PDE6A: variants seen among roughly 807,000 people sequenced by gnomAD.
PDE6A encodes the protein phosphodiesterase 6A, also known as rod cGMP-specific 3',5'-cyclic phosphodiesterase subunit alpha.
Under a neutral mutation model 106.3 loss-of-function variants are expected in PDE6A, and 84 were observed. The ratio of observed to expected loss-of-function variants is 0.79; its 90% CI spans 0.66 to 0.95. PDE6A has a LOEUF of 0.95. PDE6A is among the 40% of genes least tolerant of loss of function. The pLI is 0.00. For missense variants in PDE6A, 1,052 were observed against 1,084.9 expected, an observed-to-expected ratio of 0.97 and a Z score of 0.43; for synonymous variants, 394 against 386.6, an observed-to-expected ratio of 1.02 and a Z score of -0.23.
intron 4 of PDE6A, among the ~76,000 whole-genome samples, chr5:149,923,423 G>A (rs781080109): frequency 3.3e-5 from 5 of 152,152 alleles, no homozygotes; most frequent in Admixed American, 1.3e-4. Flanking sequence ...ACTTGAACCC[G>A]GGAGGGGGAG....
intron 5 of PDE6A, among the ~76,000 whole-genome samples, chr5:149,919,681 G>A (rs1245435501): frequency 6.6e-6 from 1 of 152,110 alleles, no homozygotes; most frequent in Non-Finnish European, 1.5e-5. Flanking sequence ...ACCAGCCTCT[G>A]GAAAGTCAAA....
rs2016066 is a variant in PDE6A, at chr5:149,927,876, A to G, written c.858+3152T>C. 7.1e-3 allele frequency among the ~76,000 whole-genome samples: 1,078 copies of G among 151,434 alleles called. 36 individuals are homozygous for G. The highest frequency in any genetic ancestry group is 0.046 in the Admixed American group (695 of 15,164). ...ACTTTTTTGTTAAAAACTAAGACAC[A>G]AACACACACATTAGCCTAGACCTAC... On this transcript the variant is annotated intron_variant, in intron 4 of 21. Transcript: ENST00000255266.
At chr5:149,867,316 T>G (rs902728391) in intron 19 of PDE6A, 2 of 299,680 alleles carry the variant, frequency 6.7e-6, no homozygotes, top group Admixed American at 8.6e-5. Context: ...TTGCTCACTC[T>G]GTGCTGTTAG....
intron 17 of PDE6A, among the ~76,000 whole-genome samples, chr5:149,883,117 C>A (rs1327066338): frequency 6.6e-6 from 1 of 152,094 alleles, no homozygotes; most frequent in Non-Finnish European, 1.5e-5. Flanking sequence ...TCCGTTGTAT[C>A]AAAAACTTAA....
At chr5:149,868,863 C>T (rs911942897) in intron 17 of PDE6A, among the ~76,000 whole-genome samples, 2 of 152,134 alleles carry the variant, frequency 1.3e-5, no homozygotes, top group Non-Finnish European at 2.9e-5. Context: ...AGTCAGTTAG[C>T]TTTTCTGATT....
intron 3 of PDE6A, chr5:149,932,272 C>A: frequency 7.0e-7 from 1 of 1,434,352 alleles, no homozygotes; most frequent in Non-Finnish European, 9.8e-7. Context: ...ACAGCAGTTT[C>A]ACTCGTAGAC....
chr5:149,889,405 A>T (rs1033772879), intron 13 of PDE6A, among the ~76,000 whole-genome samples: 1 of 151,860 alleles, frequency 6.6e-6, no homozygotes, highest in Non-Finnish European at 1.5e-5. Flanking sequence ...ATAAGTATTT[A>T]ACTTTCTGTA....
intron 3 of PDE6A, chr5:149,932,558 T>A: frequency 6.8e-7 from 1 of 1,478,690 alleles, no homozygotes; most frequent in Non-Finnish European, 9.5e-7. Flanking sequence ...GGAATCCCTG[T>A]TCCAGGTTGG....
chr5:149,894,940 A>G (rs1457042951), intron 13 of PDE6A, among the ~76,000 whole-genome samples: 1 of 152,106 alleles, frequency 6.6e-6, no homozygotes, highest in East Asian at 1.9e-4. Flanking sequence ...TACTTGTGAC[A>G]TGGTTACCCC....
In PDE6A at chr5:149,898,506, A is replaced by G; in HGVS notation, c.1264T>C (p.Ser422Pro). ...FDEMDETLME[S>P]LTQFLGWSVL... is the part of the protein sequence containing the mutation. ...GACCAGCCCAGAAATTGAGTCAAAG[A>G]CTGAAAAAGAAAGAAAGGAGGAATC... Residue 422 changes from serine to proline, a missense_variant and splice_region_variant, in exon 10 of 22, where the codon TCT becomes CCT. Coordinates refer to ENST00000255266, the MANE Select transcript of PDE6A (RefSeq NM_000440.3). The G allele has an allele frequency of 6.2e-7, 1 of 1,613,006 alleles. No individual in the cohort carries two copies. Among genetic ancestry groups the G allele is most frequent in the Non-Finnish European group, 8.5e-7 (1 of 1,179,896 alleles).
chr5:149,927,189 A>G (rs1753888688), intron 4 of PDE6A, among the ~76,000 whole-genome samples: 1 of 152,118 alleles, frequency 6.6e-6, no homozygotes, highest in Admixed American at 6.6e-5. Context: ...CATAAAAAAC[A>G]CAGTAAAAAT....
chr5:149,884,685 T>C, intron 15 of PDE6A, 95 bp downstream of exon 15: 1 of 1,447,196 alleles, frequency 6.9e-7, no homozygotes, highest in South Asian at 1.1e-5. Flanking sequence ...CCCAGGCCAA[T>C]GGGAAGAATG....
intron 8 of PDE6A, among the ~76,000 whole-genome samples, chr5:149,900,397 A>ATATATATATATATATATATC (rs1240396619): frequency 7.4e-6 from 1 of 135,010 alleles, no homozygotes; most frequent in Non-Finnish European, 1.6e-5. Context: ...ATATATATAT[A>ATATATATATATATATATATC]TCCGTTGGTT....
chr5:149,886,948 G>A (rs540552315), intron 13 of PDE6A, among the ~76,000 whole-genome samples: 36 of 152,274 alleles, frequency 2.4e-4, no homozygotes, highest in African/African-American at 7.5e-4. Flanking sequence ...TGGTGTTCCT[G>A]TCACCCTTTA....
chr5:149,918,110 T>C (rs1753606561), intron 5 of PDE6A, among the ~76,000 whole-genome samples: 1 of 152,164 alleles, frequency 6.6e-6, no homozygotes, highest in South Asian at 2.1e-4. Flanking sequence ...CTCTCAAAGA[T>C]CAAAACAGAC....
Position 149,895,225 on chromosome 5 carries a change from C to T in PDE6A, c.1686G>A (p.Arg562=), listed in dbSNP as rs770911180. The change falls in exon 13 of 22, where the codon CGG becomes CGA. Residue 562 remains arginine (R), a synonymous_variant. Coordinates refer to ENST00000255266, the MANE Select transcript of PDE6A (RefSeq NM_000440.3). ...TGGTCTGCCCCACGTTGAAGCCGTG[C>T]CGCCAGTTGTGGTAGGTGATCTTGC... ...GYRKITYHNW[R]HGFNVGQTMF... is the part of the protein sequence containing the mutation. 3 of 1,614,022 alleles carry T rather than the reference C, an allele frequency of 1.9e-6. No homozygotes were observed. Among genetic ancestry groups the T allele is most frequent in the Non-Finnish European group, 1.7e-6 (2 of 1,179,980 alleles).
chr5:149,888,859 G>A (rs937805499), intron 13 of PDE6A, among the ~76,000 whole-genome samples: 159 of 151,830 alleles, frequency 1.0e-3, no homozygotes, highest in Non-Finnish European at 1.8e-3. Flanking sequence ...CGAGGCGGGC[G>A]GATCACGAGG....
At chr5:149,864,751 G>A (rs1252909363) in intron 20 of PDE6A, among the ~76,000 whole-genome samples, 8 of 152,150 alleles carry the variant, frequency 5.3e-5, no homozygotes, top group African/African-American at 1.4e-4. Flanking sequence ...TGCCAGAGCC[G>A]ACTGTGTTCA....
chr5:149,944,595 G>T lies in PDE6A; in HGVS notation c.79C>A (p.His27Asn). The T allele has an allele frequency of 1.2e-6, 2 of 1,614,050 alleles. No individual in the cohort carries two copies. The highest frequency in any genetic ancestry group is 1.7e-6 in the Non-Finnish European group (2 of 1,179,994). The change falls in exon 1 of 22, where the codon CAC becomes AAC. Residue 27 changes from histidine to asparagine, a missense_variant. Physicochemically the swap from His to Asn is moderately conservative, Grantham distance 68. Coordinates refer to ENST00000255266, the MANE Select transcript of PDE6A (RefSeq NM_000440.3). Reference protein sequence around the residue: ...IGFAKQYYNLHYRAKLISDLL... With the variant: ...IGFAKQYYNLNYRAKLISDLL... The stretch of plus-strand genomic sequence containing the variant: ...TCGGAGATGAGCTTGGCCCGGTAGT[G>T]GAGGTTGTAGTACTGTTTGGCAAAG...
Sources: allele counts gnomAD v4.1 joint callset (sites outside exome capture counted in the v4.1 genomes callset), GRCh38; gene constraint gnomAD v4.1.1; transcripts MANE v1.5; gene names NCBI Gene and HGNC (gene_info 2026-07-23, HGNC 2026-07-21).